The following LRMDA variants were observed in gnomAD, a reference collection of about 807,000 sequenced individuals.
LRMDA encodes the protein leucine-rich melanocyte differentiation-associated protein.
LRMDA carries 18 observed loss-of-function variants against 29.8 expected under a neutral mutation model. The observed-to-expected ratio is 0.60, with a 90% CI of 0.42 to 0.90. LRMDA has a LOEUF of 0.90. Ranked by LOEUF, LRMDA falls within the 40% of genes least tolerant of loss-of-function variation. The probability of loss-of-function intolerance (pLI) is 0.00; values close to 1 mark genes in which losing one functional copy is unlikely to be tolerated. For synonymous variants in LRMDA, 125 were observed against 109.4 expected (o/e 1.14, Z -0.89); for missense variants, 273 against 273.9 (o/e 1.00, Z 0.02).
At chr10:76,505,741 A>C (rs1364927951) in intron 6 of LRMDA, among the ~76,000 whole-genome samples, 1 of 152,150 alleles carries the variant, frequency 6.6e-6, no homozygotes, top group Non-Finnish European at 1.5e-5. Context: ...GCCATCCACA[A>C]TGAATTCTAT....
chr10:76,295,579 C>T (rs1425183574), intron 5 of LRMDA, among the ~76,000 whole-genome samples: 2 of 152,182 alleles, frequency 1.3e-5, no homozygotes, highest in Admixed American at 1.3e-4. Context: ...TTTGGGTGTG[C>T]CCTCTGCTTT....
At chr10:75,968,047 G>C (rs1192175679) in intron 2 of LRMDA, among the ~76,000 whole-genome samples, 1 of 152,060 alleles carries the variant, frequency 6.6e-6, no homozygotes, top group Non-Finnish European at 1.5e-5. Flanking sequence ...TGACAGTTTT[G>C]CATTAACCTA....
chr10:75,460,699 T>C (rs1022935729), intron 2 of LRMDA, among the ~76,000 whole-genome samples: 4 of 152,208 alleles, frequency 2.6e-5, no homozygotes, highest in South Asian at 2.1e-4. Flanking sequence ...GGGATCAGCC[T>C]GTATAAAAGG....
intron 5 of LRMDA, among the ~76,000 whole-genome samples, chr10:76,276,061 TTC>T (rs982046818): frequency 1.4e-5 from 2 of 147,882 alleles, no homozygotes; most frequent in East Asian, 2.0e-4. Flanking sequence ...ATCTCTTTCT[TTC>T]TCTCTTTCTT....
intron 5 of LRMDA, among the ~76,000 whole-genome samples, chr10:76,289,937 G>A (rs1288865270): frequency 6.6e-6 from 1 of 152,166 alleles, no homozygotes; most frequent in African/African-American, 2.4e-5. Flanking sequence ...TCTGAGAGAA[G>A]AATTTTGAGG....
chr10:76,012,219 C>T (rs1469485197), intron 2 of LRMDA, among the ~76,000 whole-genome samples: 3 of 152,202 alleles, frequency 2.0e-5, no homozygotes, highest in African/African-American at 7.2e-5. Context: ...TTCCTCTCCT[C>T]GATGGACCAC....
In LRMDA at chr10:75,972,874, C is replaced by T. The variant is rs2132440571; in HGVS notation, c.132-63134C>T. On this transcript the variant is annotated intron_variant, in intron 2 of 6. Transcript: ENST00000611255. Reference sequence around the variant, plus strand: ...CCCACACAAATAGGCATGTGAGGGGCTGGGGCTGGGGCTGGGGCTTCCTGG... The same window carrying T: ...CCCACACAAATAGGCATGTGAGGGGTTGGGGCTGGGGCTGGGGCTTCCTGG... Among the ~76,000 whole-genome samples, 4 of 152,156 alleles carry T rather than the reference C, an allele frequency of 2.6e-5. No homozygotes were observed. The South Asian group carries it at 8.3e-4, about 32-fold the overall frequency.
At chr10:75,533,855 C>T (rs1193090504) in intron 2 of LRMDA, among the ~76,000 whole-genome samples, 2 of 152,006 alleles carry the variant, frequency 1.3e-5, no homozygotes, top group Non-Finnish European at 1.5e-5. Flanking sequence ...GAGGAGGTGA[C>T]GTTTGGAGGG....
At chr10:75,880,275 A>T (rs960494380) in intron 2 of LRMDA, among the ~76,000 whole-genome samples, 3 of 152,228 alleles carry the variant, frequency 2.0e-5, no homozygotes, top group African/African-American at 7.2e-5. Context: ...AGATGATATC[A>T]TCTAGGAAGA....
chr10:76,378,303 C>T (rs1479246721), intron 6 of LRMDA, among the ~76,000 whole-genome samples: 4 of 150,472 alleles, frequency 2.7e-5, no homozygotes, highest in African/African-American at 4.9e-5. Context: ...TTAAAGTTTT[C>T]TAGGTATCAG....
At chr10:75,812,072 A>G (rs1843971228) in intron 2 of LRMDA, among the ~76,000 whole-genome samples, 1 of 143,740 alleles carries the variant, frequency 7.0e-6, no homozygotes, top group African/African-American at 2.6e-5. Context: ...GATGACCTTT[A>G]CAGTGACTAA....
chr10:75,805,832 A>G (rs1018946362), intron 2 of LRMDA, among the ~76,000 whole-genome samples: 1 of 152,106 alleles, frequency 6.6e-6, no homozygotes, highest in Non-Finnish European at 1.5e-5. Context: ...AAAAGTTTTG[A>G]GACTACTCAG....
intron 5 of LRMDA, among the ~76,000 whole-genome samples, chr10:76,293,028 G>A (rs1446305636): frequency 6.6e-6 from 1 of 152,170 alleles, no homozygotes; most frequent in Non-Finnish European, 1.5e-5. Flanking sequence ...TAATGCAGCA[G>A]CACAATCTCG....
intron 6 of LRMDA, among the ~76,000 whole-genome samples, chr10:76,477,141 T>A (rs1031209894): frequency 4.6e-5 from 7 of 152,210 alleles, no homozygotes; most frequent in African/African-American, 1.7e-4. Flanking sequence ...TCATTGTATA[T>A]CTAGAAAACC....
chr10:76,431,295 A>G (rs1051473539), intron 6 of LRMDA, among the ~76,000 whole-genome samples: 1 of 152,192 alleles, frequency 6.6e-6, no homozygotes, highest in Non-Finnish European at 1.5e-5. Flanking sequence ...GAACGGGCCC[A>G]TAACTAGGAG....
At chr10:76,017,013 C>A (rs1022369623) in intron 2 of LRMDA, among the ~76,000 whole-genome samples, 6 of 152,174 alleles carry the variant, frequency 3.9e-5, no homozygotes, top group Non-Finnish European at 8.8e-5. Flanking sequence ...GAAACCCTAA[C>A]CCCCAGTACC....
At chr10:75,991,421 A>G (rs1160490280) in intron 2 of LRMDA, among the ~76,000 whole-genome samples, 1 of 152,086 alleles carries the variant, frequency 6.6e-6, no homozygotes, top group Non-Finnish European at 1.5e-5. Context: ...CTTCTTTCTG[A>G]CCTCTTCCTG....
At chr10:76,120,170 T>A (rs1178361703) in intron 5 of LRMDA, among the ~76,000 whole-genome samples, 1 of 151,086 alleles carries the variant, frequency 6.6e-6, no homozygotes, top group Non-Finnish European at 1.5e-5. Flanking sequence ...ATTGGTGACA[T>A]GTCTACAGGT....
At chr10:76,358,779 G>A (rs1432297306) in intron 6 of LRMDA, among the ~76,000 whole-genome samples, 1 of 152,238 alleles carries the variant, frequency 6.6e-6, no homozygotes, top group African/African-American at 2.4e-5. Context: ...CTAGAGCAGA[G>A]AGCGTGGAAT....
Sources: allele counts gnomAD v4.1 joint callset (sites outside exome capture counted in the v4.1 genomes callset), GRCh38; gene constraint gnomAD v4.1.1; transcripts MANE v1.5; gene names NCBI Gene and HGNC (gene_info 2026-07-23, HGNC 2026-07-21).